CADM2: variants seen among roughly 807,000 people sequenced by gnomAD.
CADM2 encodes the protein cell adhesion molecule 2, also known as immunoglobulin superfamily member 4D.
Under a neutral mutation model 49.8 loss-of-function variants are expected in CADM2, and 12 were observed. The ratio of observed to expected loss-of-function variants is 0.24; its 90% CI spans 0.15 to 0.39. The LOEUF (loss-of-function observed/expected upper bound fraction) is 0.39. Ranked by LOEUF, CADM2 falls within the 10% of genes least tolerant of loss-of-function variation. CADM2 has a pLI of 1.00. For synonymous variants in CADM2, 214 were observed against 175.4 expected (o/e 1.22, Z -1.74); for missense variants, 378 against 492.3 (o/e 0.77, Z 2.20).
At chr3:85,109,415 C>A (rs9837462) in intron 1 of CADM2, among the ~76,000 whole-genome samples, 37,303 of 151,404 alleles carry the variant, frequency 0.25, 5,888 homozygotes, top group Middle Eastern at 0.35. Flanking sequence ...CATCATCAGG[C>A]ATAAACTGAG....
intron 8 of CADM2, among the ~76,000 whole-genome samples, chr3:86,009,961 A>G (rs542175969): frequency 9.6e-4 from 146 of 152,004 alleles, no homozygotes; most frequent in Non-Finnish European, 1.9e-3. Context: ...TAGTACCCTA[A>G]ATGACGCCTT....
chr3:85,339,482 C>A (rs1366178215), intron 1 of CADM2, among the ~76,000 whole-genome samples: 1 of 151,440 alleles, frequency 6.6e-6, no homozygotes, highest in East Asian at 1.9e-4. Flanking sequence ...AAGAAATAAA[C>A]TTTATGTGAA....
intron 1 of CADM2, among the ~76,000 whole-genome samples, chr3:85,554,891 T>TTG (rs773708770): frequency 2.9e-4 from 44 of 150,132 alleles, no homozygotes; most frequent in Admixed American, 6.6e-4. Context: ...TATTTTTTTT[T>TTG]TTTTTGTGCA....
intron 1 of CADM2, among the ~76,000 whole-genome samples, chr3:85,288,795 C>CCT (rs35243274): frequency 1.5e-5 from 2 of 131,354 alleles, no homozygotes; most frequent in Non-Finnish European, 1.6e-5. Context: ...CCCCCCCCCC[C>CCT]TCTTTTTTTC....
chr3:85,387,732 T>A (rs2034309788), intron 1 of CADM2, among the ~76,000 whole-genome samples: 1 of 152,174 alleles, frequency 6.6e-6, no homozygotes, highest in African/African-American at 2.4e-5. Context: ...TTAGTAGTAT[T>A]CTAAATGATT....
Position 85,811,864 on chromosome 3 carries a change from T to G in CADM2, c.238+9668T>G, listed in dbSNP as rs12630301. Among the ~76,000 whole-genome samples, 114 of 151,862 alleles carry G rather than the reference T, an allele frequency of 7.5e-4. 1 individual carries two copies. In the East Asian group the frequency reaches 0.02, roughly 26 times the overall value. On this transcript the variant is annotated intron_variant, in intron 3 of 9. Coordinates refer to ENST00000383699, the MANE Select transcript of CADM2 (RefSeq NM_001167675.2). The stretch of plus-strand genomic sequence containing the variant: ...CCTGGAAAATGCCTTGATGTTTTTT[T>G]TTTTTTTTTTTGTGATACTTTAGAT...
chr3:85,283,243 T>A (rs2043548928), intron 1 of CADM2, among the ~76,000 whole-genome samples: 1 of 152,074 alleles, frequency 6.6e-6, no homozygotes, highest in Admixed American at 6.6e-5. Flanking sequence ...TTTTTCTTAT[T>A]ATTTCTAACT....
chr3:84,972,363 ATCCATCTAT>A, intron 1 of CADM2, among the ~76,000 whole-genome samples: 1 of 152,344 alleles, frequency 6.6e-6, no homozygotes, highest in East Asian at 1.9e-4. Flanking sequence ...AACTTTTTAT[ATCCATCTAT>A]GCATTGTTTA....
At chr3:85,658,615 T>TACAC (rs200149021) in intron 1 of CADM2, among the ~76,000 whole-genome samples, 2 of 132,326 alleles carry the variant, frequency 1.5e-5, no homozygotes, top group African/African-American at 5.8e-5. Flanking sequence ...TATATATATA[T>TACAC]ATACATGTAT....
chr3:86,068,253 T>A lies in CADM2; in HGVS notation c.*1470T>A, dbSNP rs1364055304. On this transcript the variant is annotated 3_prime_UTR_variant, in exon 10 of 10. Transcript: ENST00000383699. Reference sequence around the variant, plus strand: ...TTAAAATTTTGGCGTGTTTAACCATTAAGAAATGCTGTATTCTTAAATATG... The same window carrying A: ...TTAAAATTTTGGCGTGTTTAACCATAAAGAAATGCTGTATTCTTAAATATG... The A allele has an allele frequency of 1.3e-5, 2 of 152,400 alleles. No homozygotes were observed. The highest frequency in any genetic ancestry group is 4.8e-5 in the African/African-American group (2 of 41,440). The allele number at this position is 152,400 out of a possible 1,614,324, so 9.4% of individuals were successfully genotyped here. A position where few individuals can be genotyped will look rare whatever the true frequency, so the allele number is the denominator to read the frequency against.
chr3:85,615,915 C>G (rs1047019061), intron 1 of CADM2, among the ~76,000 whole-genome samples: 3 of 151,810 alleles, frequency 2.0e-5, no homozygotes, highest in African/African-American at 7.3e-5. Context: ...AGACTGTACT[C>G]TGAATAACAA....
intron 8 of CADM2, chr3:86,028,056 T>TGG (rs1734104587): frequency 2.3e-5 from 1 of 43,756 alleles, no homozygotes; most frequent in Non-Finnish European, 4.0e-5. Context: ...TGTTGTGGGG[T>TGG]GGGGGGAGGG....
chr3:85,522,545 A>C (rs574713786), intron 1 of CADM2, among the ~76,000 whole-genome samples: 3 of 152,266 alleles, frequency 2.0e-5, no homozygotes, highest in Admixed American at 2.0e-4. Flanking sequence ...TACATATGGC[A>C]ATTCATTGTC....
chr3:85,679,492 T>C (rs1384717591), intron 1 of CADM2, among the ~76,000 whole-genome samples: 4 of 152,174 alleles, frequency 2.6e-5, no homozygotes, highest in Non-Finnish European at 5.9e-5. Context: ...TTATTTTCTA[T>C]CCCATAGAGC....
At chr3:85,945,839 A>T (rs890015825) in intron 7 of CADM2, among the ~76,000 whole-genome samples, 4 of 152,040 alleles carry the variant, frequency 2.6e-5, no homozygotes, top group Admixed American at 6.6e-5. Context: ...ATGGGCAAAA[A>T]CTGGAAGCAT....
chr3:85,589,472 C>T (rs1179184353), intron 1 of CADM2, among the ~76,000 whole-genome samples: 1 of 151,972 alleles, frequency 6.6e-6, no homozygotes, highest in Non-Finnish European at 1.5e-5. Context: ...TGGTACGTGA[C>T]TCCCTGTCTC....
chr3:85,706,130 G>T (rs2107723999), intron 1 of CADM2, among the ~76,000 whole-genome samples: 1 of 152,182 alleles, frequency 6.6e-6, no homozygotes, highest in Non-Finnish European at 1.5e-5. Context: ...CCATCTCAAG[G>T]TTTTATTCAT....
At chr3:85,588,493 A>G (rs953900127) in intron 1 of CADM2, among the ~76,000 whole-genome samples, 6 of 152,066 alleles carry the variant, frequency 3.9e-5, no homozygotes, top group South Asian at 2.1e-4. Context: ...GAATTTAATA[A>G]TGTATTCTTC....
At chr3:85,797,391 T>A (rs2071693820) in intron 2 of CADM2, among the ~76,000 whole-genome samples, 1 of 152,158 alleles carries the variant, frequency 6.6e-6, no homozygotes, top group South Asian at 2.1e-4. Flanking sequence ...TTTCTCCAAA[T>A]GCTATCCCTC....
Sources: allele counts gnomAD v4.1 joint callset (sites outside exome capture counted in the v4.1 genomes callset), GRCh38; gene constraint gnomAD v4.1.1; transcripts MANE v1.5; gene names NCBI Gene and HGNC (gene_info 2026-07-23, HGNC 2026-07-21).